The following HLCS variants were observed in gnomAD, a reference collection of about 807,000 sequenced individuals.
The protein encoded by HLCS is holocarboxylase synthetase, also known as biotin--protein ligase.
Under a neutral mutation model 75.0 loss-of-function variants are expected in HLCS, and 53 were observed. The observed-to-expected ratio is 0.71, with a 90% CI of 0.57 to 0.89. The LOEUF is 0.89. Among genes scored for constraint, HLCS ranks in the 40% least tolerant of loss-of-function variants. The pLI, the probability that HLCS is intolerant of heterozygous loss-of-function variation, is 0.00. For missense variants in HLCS, 966 were observed against 1,074.0 expected, an observed-to-expected ratio of 0.90 and a Z score of 1.41; for synonymous variants, 431 against 428.6, an observed-to-expected ratio of 1.01 and a Z score of -0.07.
chr21:36,821,378 C>G (rs1030232950), intron 6 of HLCS, among the ~76,000 whole-genome samples: 2 of 152,144 alleles, frequency 1.3e-5, no homozygotes, highest in African/African-American at 4.8e-5. Flanking sequence ...TATTGAACCA[C>G]TGCCAAGAAG....
chr21:36,939,270 A>T (rs2067032483), intron 2 of HLCS, among the ~76,000 whole-genome samples: 1 of 152,228 alleles, frequency 6.6e-6, no homozygotes. Context: ...TTAAAAGATA[A>T]AGGGACATTC....
At chr21:36,824,305 C>A (rs185417226) in intron 6 of HLCS, among the ~76,000 whole-genome samples, 1 of 152,058 alleles carries the variant, frequency 6.6e-6, no homozygotes, top group Non-Finnish European at 1.5e-5. Flanking sequence ...ATGGATGAAG[C>A]TGGACACCAT....
Position 36,790,179 on chromosome 21 carries a change from G to A in HLCS, c.1893-22894C>T, listed in dbSNP as rs914180908. Reference sequence around the variant, plus strand: ...CCAGCACTTTGGGAGGCCAAGGTGGGCCCATCACGAGGTCAGGAGATCAAG... The same window carrying A: ...CCAGCACTTTGGGAGGCCAAGGTGGACCCATCACGAGGTCAGGAGATCAAG... On this transcript the variant is annotated intron_variant, in intron 6 of 10. Coordinates refer to ENST00000674895, the MANE Select transcript of HLCS (RefSeq NM_001352514.2). Among the ~76,000 whole-genome samples, 14 of 152,260 alleles carry A rather than the reference G, an allele frequency of 9.2e-5. No homozygotes were observed. In the South Asian group the frequency reaches 1.0e-3, roughly 11 times the overall value.
chr21:36,753,351 G>C lies in HLCS; in HGVS notation c.*895C>G, dbSNP rs1178872367. ...TTGCAGGAATGCTCCACATTTCAGA[G>C]TAAATCTGAAACTGGCTTAAAAGCT... is the stretch of plus-strand genomic sequence containing the variant. On this transcript the variant is annotated 3_prime_UTR_variant, in exon 11 of 11. Coordinates refer to ENST00000674895, the MANE Select transcript of HLCS (RefSeq NM_001352514.2). The surrounding 1 kb of genome is among the most constrained non-coding windows in gnomAD (Gnocchi z 4.3). The C allele has an allele frequency of 6.6e-6, 1 of 152,204 alleles. No homozygotes were observed. Among genetic ancestry groups the C allele is most frequent in the Non-Finnish European group, 1.5e-5 (1 of 68,034 alleles). The allele number at this position is 152,204 out of a possible 1,614,324, so 9.4% of individuals were successfully genotyped here.
chr21:36,797,452 G>T (rs1342077615), intron 6 of HLCS, among the ~76,000 whole-genome samples: 1 of 152,020 alleles, frequency 6.6e-6, no homozygotes, highest in Middle Eastern at 3.4e-3. Context: ...CTTTGCTTAT[G>T]TTTGTGTTTT....
intron 2 of HLCS, chr21:36,947,614 C>T: frequency 1.0e-6 from 1 of 985,446 alleles, no homozygotes; most frequent in Non-Finnish European, 1.2e-6. Context: ...AAGGAGTTTC[C>T]TCCTATAATA....
At chr21:36,923,134 G>A (rs1447223730) in intron 5 of HLCS, among the ~76,000 whole-genome samples, 4 of 152,224 alleles carry the variant, frequency 2.6e-5, no homozygotes, top group Non-Finnish European at 4.4e-5. Context: ...CCCGGCACCA[G>A]TATGGGCTTA....
rs199860744 is a variant in HLCS, at chr21:36,754,213, G to A, written c.*33C>T. 369 of 1,609,716 alleles carry A rather than the reference G, an allele frequency of 2.3e-4. No homozygotes were observed. The highest frequency in any genetic ancestry group is 2.5e-4 in the Non-Finnish European group (295 of 1,177,242). On this transcript the variant is annotated 3_prime_UTR_variant, in exon 11 of 11. Transcript: ENST00000674895. Reference sequence around the variant, plus strand: ...ATTAGATTTCCAGATGCATGGGCACGGACAGGCAGCCGCGTCTCGGGGACG... The same window carrying A: ...ATTAGATTTCCAGATGCATGGGCACAGACAGGCAGCCGCGTCTCGGGGACG...
At chr21:36,853,509 A>G (rs2063083958) in intron 6 of HLCS, among the ~76,000 whole-genome samples, 1 of 152,188 alleles carries the variant, frequency 6.6e-6, no homozygotes, top group African/African-American at 2.4e-5. Context: ...TAAGTATGTT[A>G]TTGTATTGAT....
At chr21:36,972,327 AT>A (rs1206371029) in intron 1 of HLCS, 2 of 152,126 alleles carry the variant, frequency 1.3e-5, no homozygotes, top group Non-Finnish European at 2.9e-5. Flanking sequence ...TTTTATTATT[AT>A]TTTAAAAGAC....
intron 6 of HLCS, among the ~76,000 whole-genome samples, chr21:36,818,455 A>C (rs927562571): frequency 5.3e-5 from 8 of 152,230 alleles, no homozygotes; most frequent in African/African-American, 1.7e-4. Flanking sequence ...TTGTCCCTAC[A>C]CACTGGGGAG....
At chr21:36,785,349 G>A (rs74472371) in intron 6 of HLCS, among the ~76,000 whole-genome samples, 9,117 of 152,118 alleles carry the variant, frequency 0.06, 357 homozygotes, top group South Asian at 0.17. Context: ...TATGGCCCCC[G>A]TGAACGAAAC....
intron 1 of HLCS, among the ~76,000 whole-genome samples, chr21:36,987,485 T>A (rs982189533): frequency 5.3e-5 from 8 of 152,056 alleles, no homozygotes; most frequent in African/African-American, 1.9e-4. Flanking sequence ...TGGTGGTGCG[T>A]GCCTGTAATC....
intron 6 of HLCS, among the ~76,000 whole-genome samples, chr21:36,833,593 T>TTATATATATATATA (rs56412653): frequency 1.1e-3 from 151 of 140,000 alleles, no homozygotes; most frequent in African/African-American, 3.5e-3. Context: ...TAAAAAAAAA[T>TTATATATATATATA]TATATATATA....
intron 10 of HLCS, among the ~76,000 whole-genome samples, chr21:36,755,632 T>C (rs1049124278): frequency 6.6e-6 from 1 of 152,224 alleles, no homozygotes; most frequent in Non-Finnish European, 1.5e-5. Flanking sequence ...CACATTACAT[T>C]TAGATGTCAT....
chr21:36,893,612 C>T (rs2064884312), intron 6 of HLCS, among the ~76,000 whole-genome samples: 1 of 152,122 alleles, frequency 6.6e-6, no homozygotes, highest in African/African-American at 2.4e-5. Flanking sequence ...GATCACGAGG[C>T]ATTAGTCAGA....
intron 2 of HLCS, among the ~76,000 whole-genome samples, chr21:36,941,572 T>C (rs531624491): frequency 2.0e-4 from 31 of 152,294 alleles, no homozygotes; most frequent in African/African-American, 7.2e-4. Context: ...AACTACATAC[T>C]GACGTGTAAA....
At position 36,946,275 on chromosome 21, in the gene HLCS, C is replaced by T. The variant is rs546521130; in HGVS notation, c.331-7281G>A. The T allele has an allele frequency of 3.1e-5, 5 of 162,916 alleles. No individual in the cohort carries two copies. The South Asian group carries it at 9.9e-4, about 32-fold the overall frequency. The allele number at this position is 162,916 out of a possible 1,614,324, so 10.1% of individuals were successfully genotyped here. On this transcript the variant is annotated intron_variant, in intron 2 of 10. Coordinates refer to ENST00000674895, the MANE Select transcript of HLCS (RefSeq NM_001352514.2). ...ATTTTTATTTTTTTTGAGACAGGGT[C>T]TTACTTTATCACCCAGGCTGGAGTG...
At chr21:36,771,589 C>CCCAT (rs2060207451) in intron 6 of HLCS, among the ~76,000 whole-genome samples, 1 of 152,174 alleles carries the variant, frequency 6.6e-6, no homozygotes, top group Admixed American at 6.5e-5. Flanking sequence ...CACATGAAAG[C>CCCAT]CCATCATGTG....
Sources: allele counts gnomAD v4.1 joint callset (sites outside exome capture counted in the v4.1 genomes callset), GRCh38; gene constraint gnomAD v4.1.1; non-coding constraint Gnocchi (gnomAD v3.1); transcripts MANE v1.5; gene names NCBI Gene and HGNC (gene_info 2026-07-23, HGNC 2026-07-21).